The following MTA3 variants were observed in gnomAD, a reference collection of about 807,000 sequenced individuals.
MTA3 encodes metastasis-associated protein MTA3.
MTA3 carries 34 observed loss-of-function variants against 83.5 expected under a neutral mutation model. That is an observed-to-expected ratio of 0.41 (90% CI 0.31 to 0.54). The LOEUF (loss-of-function observed/expected upper bound fraction) is 0.54. Ranked by LOEUF, MTA3 falls within the 20% of genes least tolerant of loss-of-function variation. The pLI is 0.33. For synonymous variants in MTA3, 303 were observed against 252.7 expected (o/e 1.20, Z -1.89); for missense variants, 761 against 726.4 (o/e 1.05, Z -0.55).
At chr2:42,700,913 C>G (rs1475294833) in intron 11 of MTA3, among the ~76,000 whole-genome samples, 1 of 152,044 alleles carries the variant, frequency 6.6e-6, no homozygotes, top group Admixed American at 6.6e-5. Flanking sequence ...TCAGTCTGCA[C>G]AAAATGGACC....
intron 2 of MTA3, among the ~76,000 whole-genome samples, chr2:42,560,055 T>A (rs1000410806): frequency 3.9e-5 from 6 of 152,258 alleles, no homozygotes; most frequent in East Asian, 1.9e-4. Flanking sequence ...TGATTTTTTT[T>A]ATTTTTAATT....
Position 42,755,384 on chromosome 2 carries a change from T to C in MTA3, c.*1985T>C. On this transcript the variant is annotated 3_prime_UTR_variant, in exon 17 of 17. Coordinates refer to ENST00000405094, the MANE Select transcript of MTA3 (RefSeq NM_001330442.2). ...CCCTCTCACCCAGGCCCAAGAGATT[T>C]GGAGACAGGAGTCAGGCCAGGTCTG... The C allele has an allele frequency of 2.0e-6, 2 of 985,466 alleles. No homozygotes were observed. Among genetic ancestry groups the C allele is most frequent in the Non-Finnish European group, 2.4e-6 (2 of 829,960 alleles). 61.0% of individuals were successfully genotyped at this position (985,466 alleles called of 1,614,324 possible).
chr2:42,670,592 G>A (rs757124579), intron 8 of MTA3, among the ~76,000 whole-genome samples: 1 of 152,056 alleles, frequency 6.6e-6, no homozygotes, highest in Non-Finnish European at 1.5e-5. Context: ...AAATAGAGAG[G>A]ACTTCCTTAT....
intron 4 of MTA3, chr2:42,614,013 G>A (rs1278181144): frequency 6.6e-6 from 1 of 152,136 alleles, no homozygotes; most frequent in East Asian, 1.9e-4. Context: ...TATAAGCCTT[G>A]TTATGTCAGC....
Position 42,755,679 on chromosome 2 carries a change from G to T in MTA3, c.*2280G>T. ...GGCGCCTCTAGTCTGTGCCTTTGCC[G>T]TTGGAAGCATTTGGTGCTGAGAGGG... On this transcript the variant is annotated 3_prime_UTR_variant, in exon 17 of 17. Transcript: ENST00000405094. The T allele has an allele frequency of 1.0e-6, 1 of 985,540 alleles. No homozygotes were observed. Among genetic ancestry groups the T allele is most frequent in the Non-Finnish European group, 1.2e-6 (1 of 829,994 alleles). 61.0% of individuals were successfully genotyped at this position (985,540 alleles called of 1,614,324 possible). A position where few individuals can be genotyped will look rare whatever the true frequency, so the allele number is the denominator to read the frequency against.
In MTA3 at chr2:42,695,818, T is replaced by G; in HGVS notation, c.945T>G (p.Thr315=). 6.3e-7 allele frequency: 1 copy of G among 1,587,952 alleles called. No individual in the cohort carries two copies. Among genetic ancestry groups the G allele is most frequent in the Non-Finnish European group, 8.6e-7 (1 of 1,166,708 alleles). The change falls in exon 10 of 17, where the codon ACT becomes ACG. Residue 315 remains threonine (T), a synonymous_variant. Transcript: ENST00000405094. Reference sequence around the variant, plus strand: ...TTGAATATTATTACATGTGGAAAACTACTGACAGATATGTGCAACAGGTAA... The same window carrying G: ...TTGAATATTATTACATGTGGAAAACGACTGACAGATATGTGCAACAGGTAA... The part of the protein sequence containing the change: ...SIIEYYYMWK[T]TDRYVQQKRL...
intron 14 of MTA3, chr2:42,712,966 G>T (rs370127902): frequency 2.0e-5 from 3 of 152,066 alleles, no homozygotes; most frequent in African/African-American, 7.2e-5. Flanking sequence ...CGTTATTTCA[G>T]AGACTTCACC....
intron 2 of MTA3, among the ~76,000 whole-genome samples, chr2:42,518,777 G>C (rs898743861): frequency 6.6e-6 from 1 of 151,958 alleles, no homozygotes; most frequent in African/African-American, 2.4e-5. Context: ...ACCAACCTGG[G>C]CAACATAGGG....
intron 2 of MTA3, among the ~76,000 whole-genome samples, chr2:42,535,029 A>C (rs1676157566): frequency 6.6e-6 from 1 of 152,010 alleles, no homozygotes; most frequent in Non-Finnish European, 1.5e-5. Context: ...TGGAGCTGTC[A>C]TTGGCTTGTT....
chr2:42,710,541 C>T (rs1198399199), intron 14 of MTA3, among the ~76,000 whole-genome samples: 1 of 106,010 alleles, frequency 9.4e-6, no homozygotes, highest in African/African-American at 3.7e-5. Context: ...ATGAGCGAAA[C>T]TTCATCTCAA....
At chr2:42,574,200 C>T (rs1316710807) in intron 2 of MTA3, among the ~76,000 whole-genome samples, 1 of 145,448 alleles carries the variant, frequency 6.9e-6, no homozygotes, top group Admixed American at 7.0e-5. Flanking sequence ...AATGGTGCAA[C>T]CTCCTCTCAC....
intron 4 of MTA3, among the ~76,000 whole-genome samples, chr2:42,627,836 C>T (rs1464132877): frequency 4.6e-5 from 7 of 150,866 alleles, no homozygotes; most frequent in African/African-American, 1.7e-4. Flanking sequence ...CCTGGGCCTT[C>T]CAAAGTGCTG....
At chr2:42,531,263 G>C (rs1016638263) in intron 2 of MTA3, among the ~76,000 whole-genome samples, 3 of 152,024 alleles carry the variant, frequency 2.0e-5, no homozygotes, top group African/African-American at 7.3e-5. Context: ...CTGTTTACCC[G>C]GGTCTGTGGT....
chr2:42,555,542 C>G (rs1201608601), intron 2 of MTA3, among the ~76,000 whole-genome samples: 1 of 147,690 alleles, frequency 6.8e-6, no homozygotes, highest in Admixed American at 6.9e-5. Flanking sequence ...GGGCAGATCA[C>G]GAGGTCAGGA....
chr2:42,668,470 C>T (rs565058570), intron 8 of MTA3, among the ~76,000 whole-genome samples: 2 of 152,176 alleles, frequency 1.3e-5, no homozygotes, highest in South Asian at 4.1e-4. Flanking sequence ...GCTGAGTTCC[C>T]ACATGACATC....
rs192841073 is a variant in MTA3, at chr2:42,678,438, A to G, written c.703-3963A>G. Among the ~76,000 whole-genome samples the G allele has an allele frequency of 2.6e-3, 388 of 152,140 alleles. 2 individuals carry two copies. Among genetic ancestry groups the G allele is most frequent in the African/African-American group, 8.1e-3 (335 of 41,502 alleles). On this transcript the variant is annotated intron_variant, in intron 8 of 16. Transcript: ENST00000405094. ...CTGCTACTTCCACCTCCTGGGTTCA[A>G]GTGATTCTCCTGCCTCAGCCTCTTG...
At chr2:42,694,150 T>G (rs1461927037) in intron 9 of MTA3, among the ~76,000 whole-genome samples, 6 of 152,182 alleles carry the variant, frequency 3.9e-5, no homozygotes, top group Non-Finnish European at 8.8e-5. Context: ...AAGTCCTCTT[T>G]ACTCTTCACT....
chr2:42,678,353 T>A (rs759062404), intron 8 of MTA3, among the ~76,000 whole-genome samples: 19 of 152,314 alleles, frequency 1.2e-4, no homozygotes, highest in Non-Finnish European at 1.8e-4. Context: ...TTATTTATTT[T>A]TTTTGACAGA....
chr2:42,733,760 A>G (rs1414872080), intron 16 of MTA3, among the ~76,000 whole-genome samples: 3 of 152,152 alleles, frequency 2.0e-5, no homozygotes, highest in African/African-American at 7.2e-5. Flanking sequence ...CAGGTTTCCC[A>G]AAGTGCTGGG....
Sources: allele counts gnomAD v4.1 joint callset (sites outside exome capture counted in the v4.1 genomes callset), GRCh38; gene constraint gnomAD v4.1.1; transcripts MANE v1.5; gene names NCBI Gene and HGNC (gene_info 2026-07-23, HGNC 2026-07-21).